The following FSTL5 variants were observed in gnomAD, a reference collection of about 807,000 sequenced individuals.
FSTL5 encodes follistatin-related protein 5.
In FSTL5, 62 loss-of-function variants were observed where a neutral mutation model predicts 89.1. The observed-to-expected ratio is 0.70, with a 90% confidence interval of 0.57 to 0.86. FSTL5 has a LOEUF of 0.86. FSTL5 is among the 40% of genes least tolerant of loss of function. The probability of loss-of-function intolerance (pLI) is 0.00; values close to 1 mark genes in which losing one functional copy is unlikely to be tolerated. For synonymous variants in FSTL5, 383 were observed against 346.2 expected (o/e 1.11, Z -1.18); for missense variants, 1,057 against 1,001.6 (o/e 1.06, Z -0.75).
chr4:161,540,013 T>C (rs891667854), intron 9 of FSTL5, among the ~76,000 whole-genome samples: 14 of 152,078 alleles, frequency 9.2e-5, no homozygotes, highest in Non-Finnish European at 1.5e-4. Context: ...CTCCCAATAT[T>C]TTTACATGTT....
intron 3 of FSTL5, among the ~76,000 whole-genome samples, chr4:161,933,134 G>A (rs1163263111): frequency 1.3e-5 from 2 of 152,176 alleles, no homozygotes; most frequent in South Asian, 4.2e-4. Flanking sequence ...GGCGGGTTAG[G>A]TATATATTTA....
chr4:161,833,517 A>C (rs2126863942), intron 4 of FSTL5, among the ~76,000 whole-genome samples: 1 of 129,844 alleles, frequency 7.7e-6, no homozygotes, highest in Admixed American at 8.2e-5. Context: ...TGGGAGTCTA[A>C]GTCTCTTTGT....
At chr4:161,847,777 C>G (rs1403392086) in intron 4 of FSTL5, among the ~76,000 whole-genome samples, 1 of 151,958 alleles carries the variant, frequency 6.6e-6, no homozygotes, top group Non-Finnish European at 1.5e-5. Flanking sequence ...TGGCACACTC[C>G]TATAATCCGA....
At chr4:161,610,932 C>G (rs759292655) in intron 7 of FSTL5, among the ~76,000 whole-genome samples, 2 of 151,378 alleles carry the variant, frequency 1.3e-5, no homozygotes, top group Non-Finnish European at 2.9e-5. Flanking sequence ...TTTTCACAGA[C>G]CTTTTCTCAT....
intron 6 of FSTL5, 129 bp from the exon 7 acceptor site, chr4:161,656,623 G>A: frequency 2.1e-6 from 1 of 484,122 alleles, no homozygotes; most frequent in Non-Finnish European, 3.4e-6. Flanking sequence ...GTGATGAAAT[G>A]AAAAAAGAGA....
At chr4:161,755,396 T>C (rs1197340973) in intron 6 of FSTL5, among the ~76,000 whole-genome samples, 1 of 152,114 alleles carries the variant, frequency 6.6e-6, no homozygotes, top group African/African-American at 2.4e-5. Flanking sequence ...CTATTTTTTT[T>C]ACCATTAACT....
At chr4:161,580,921 G>A (rs755305384) in intron 8 of FSTL5, among the ~76,000 whole-genome samples, 9 of 152,164 alleles carry the variant, frequency 5.9e-5, no homozygotes, top group Non-Finnish European at 1.3e-4. Context: ...CACCATAGAT[G>A]AGGAGGCCTG....
intron 8 of FSTL5, among the ~76,000 whole-genome samples, chr4:161,559,123 C>T (rs1402382226): frequency 6.6e-6 from 1 of 151,880 alleles, no homozygotes; most frequent in African/African-American, 2.4e-5. Context: ...AATATCCAAA[C>T]TACTCAACCT....
intron 7 of FSTL5, among the ~76,000 whole-genome samples, chr4:161,616,075 CTTTTTCTTTTTTTAT>C (rs1734856833): frequency 2.7e-5 from 4 of 147,766 alleles, no homozygotes; most frequent in African/African-American, 7.5e-5. Context: ...TTTTTTTTTT[CTTTTTCTTTTTTTAT>C]TTTTTCTTTT....
chr4:161,754,107 T>C (rs1261493368), intron 6 of FSTL5, among the ~76,000 whole-genome samples: 7 of 147,130 alleles, frequency 4.8e-5, no homozygotes, highest in Admixed American at 4.7e-4. Context: ...AATATAAAAG[T>C]TAATAATTAG....
chr4:161,969,396 C>T (rs947156513), intron 3 of FSTL5, among the ~76,000 whole-genome samples: 8 of 151,794 alleles, frequency 5.3e-5, no homozygotes, highest in Admixed American at 1.3e-4. Context: ...ACAATATAGG[C>T]GAGAGCAGCG....
At chr4:161,732,325 C>T (rs1404868807) in intron 6 of FSTL5, among the ~76,000 whole-genome samples, 1 of 151,850 alleles carries the variant, frequency 6.6e-6, no homozygotes, top group Non-Finnish European at 1.5e-5. Context: ...TTTTTTTGCT[C>T]ATTTCTAAAA....
chr4:161,480,320 T>A (rs543586352), intron 13 of FSTL5, among the ~76,000 whole-genome samples: 9 of 152,298 alleles, frequency 5.9e-5, no homozygotes, highest in East Asian at 3.9e-4. Context: ...CTTAATTTCC[T>A]CTGAGCTGAG....
At chr4:161,596,241 G>T (rs1164395801) in intron 7 of FSTL5, among the ~76,000 whole-genome samples, 1 of 151,636 alleles carries the variant, frequency 6.6e-6, no homozygotes, top group Non-Finnish European at 1.5e-5. Flanking sequence ...TAAATAATAT[G>T]TTTAATTTGG....
chr4:161,506,654 A>G (rs1730492753), intron 11 of FSTL5, among the ~76,000 whole-genome samples: 1 of 152,110 alleles, frequency 6.6e-6, no homozygotes, highest in African/African-American at 2.4e-5. Context: ...CCTCCCTGGC[A>G]GTGTACATTT....
chr4:162,132,310 A>C (rs1382431786), intron 1 of FSTL5, among the ~76,000 whole-genome samples: 1 of 152,224 alleles, frequency 6.6e-6, no homozygotes, highest in Non-Finnish European at 1.5e-5. Context: ...AATATGGCAC[A>C]CTTGAGAATT....
chr4:161,575,178 C>T (rs550415418), intron 8 of FSTL5, among the ~76,000 whole-genome samples: 29 of 152,232 alleles, frequency 1.9e-4, no homozygotes, highest in Non-Finnish European at 2.8e-4. Context: ...ATACTTTGCC[C>T]ACTTTTTGAT....
intron 15 of FSTL5, among the ~76,000 whole-genome samples, chr4:161,415,312 A>G (rs1020260251): frequency 6.6e-6 from 1 of 151,824 alleles, no homozygotes; most frequent in Non-Finnish European, 1.5e-5. Context: ...CTGGAGTGCA[A>G]TGATGCAATC....
intron 2 of FSTL5, among the ~76,000 whole-genome samples, chr4:162,094,660 C>T (rs1359563663): frequency 6.6e-6 from 1 of 152,062 alleles, no homozygotes; most frequent in Non-Finnish European, 1.5e-5. Context: ...ATATAAATTT[C>T]AAAGGCAAAA....
Sources: allele counts gnomAD v4.1 joint callset (sites outside exome capture counted in the v4.1 genomes callset), GRCh38; gene constraint gnomAD v4.1.1; transcripts MANE v1.5; gene names NCBI Gene and HGNC (gene_info 2026-07-23, HGNC 2026-07-21).